MAGI2: variants seen among roughly 807,000 people sequenced by gnomAD.
MAGI2 encodes membrane associated guanylate kinase, WW and PDZ domain containing 2.
Under a neutral mutation model 133.3 loss-of-function variants are expected in MAGI2, and 35 were observed. That is an observed-to-expected ratio of 0.26 (90% CI 0.20 to 0.35). The LOEUF (loss-of-function observed/expected upper bound fraction) is 0.35, where lower values mean the gene tolerates loss of function less well. Among genes scored for constraint, MAGI2 ranks in the 10% least tolerant of loss-of-function variants. The pLI is 1.00. For synonymous variants in MAGI2, 729 were observed against 710.6 expected (o/e 1.03, Z -0.41); for missense variants, 1,636 against 1,863.4 (o/e 0.88, Z 2.25).
intron 1 of MAGI2, among the ~76,000 whole-genome samples, chr7:79,338,171 A>G (rs1297616557): frequency 6.6e-6 from 1 of 152,198 alleles, no homozygotes; most frequent in Non-Finnish European, 1.5e-5. Flanking sequence ...GTTTCATTTT[A>G]GAAGGCAGTG....
chr7:78,655,349 C>G (rs1812063464), intron 2 of MAGI2, among the ~76,000 whole-genome samples: 1 of 149,676 alleles, frequency 6.7e-6, no homozygotes, highest in African/African-American at 2.5e-5. Context: ...TCGGTAGAAG[C>G]TTCATCATTC....
chr7:78,936,071 T>C (rs1332640393), intron 2 of MAGI2, among the ~76,000 whole-genome samples: 7 of 152,046 alleles, frequency 4.6e-5, no homozygotes, highest in African/African-American at 1.7e-4. Context: ...CTATTAAATA[T>C]CAAATATGTA....
chr7:78,589,102 T>C (rs1227769279), intron 3 of MAGI2, among the ~76,000 whole-genome samples: 2 of 152,302 alleles, frequency 1.3e-5, no homozygotes, highest in East Asian at 3.9e-4. Flanking sequence ...TCCTAGCCTA[T>C]CACAGAGCTG....
chr7:78,717,209 G>A (rs972837658), intron 2 of MAGI2, among the ~76,000 whole-genome samples: 1 of 151,958 alleles, frequency 6.6e-6, no homozygotes, highest in African/African-American at 2.4e-5. Context: ...TGTTACCGTC[G>A]AGCCGCCCTC....
chr7:78,473,986 G>A (rs1490498943), intron 6 of MAGI2, among the ~76,000 whole-genome samples: 1 of 151,924 alleles, frequency 6.6e-6, no homozygotes, highest in Admixed American at 6.6e-5. Flanking sequence ...TTGGGTTTTC[G>A]TTACCATCTG....
At chr7:78,891,882 A>G (rs977616466) in intron 2 of MAGI2, among the ~76,000 whole-genome samples, 2 of 152,198 alleles carry the variant, frequency 1.3e-5, no homozygotes, top group Non-Finnish European at 2.9e-5. Flanking sequence ...TGGCCAGGGC[A>G]ATCAGGCAGG....
chr7:78,257,144 C>G (rs1303914402), intron 9 of MAGI2, among the ~76,000 whole-genome samples: 1 of 151,894 alleles, frequency 6.6e-6, no homozygotes, highest in Non-Finnish European at 1.5e-5. Flanking sequence ...GTCAAGGGTG[C>G]AGGTTTTGGG....
intron 2 of MAGI2, among the ~76,000 whole-genome samples, chr7:78,759,540 G>A (rs946242904): frequency 1.3e-5 from 2 of 152,028 alleles, no homozygotes; most frequent in African/African-American, 4.8e-5. Flanking sequence ...CTCTAGATGT[G>A]AATGTTAAAA....
At chr7:78,823,894 C>T (rs1230099135) in intron 2 of MAGI2, among the ~76,000 whole-genome samples, 1 of 149,100 alleles carries the variant, frequency 6.7e-6, no homozygotes, top group Admixed American at 6.7e-5. Flanking sequence ...TCATTATCTT[C>T]TCTTGGATTT....
chr7:79,425,851 G>A (rs1222211095), intron 1 of MAGI2, among the ~76,000 whole-genome samples: 3 of 152,016 alleles, frequency 2.0e-5, no homozygotes, highest in Admixed American at 2.0e-4. Flanking sequence ...ATGACTATTT[G>A]CCTCTCTGCA....
At chr7:78,394,193 C>T (rs1796140849) in intron 6 of MAGI2, among the ~76,000 whole-genome samples, 1 of 152,168 alleles carries the variant, frequency 6.6e-6, no homozygotes, top group Admixed American at 6.5e-5. Flanking sequence ...CCCAGAAATA[C>T]TGTTTCAGCA....
At chr7:78,322,305 T>A (rs1355191660) in intron 9 of MAGI2, among the ~76,000 whole-genome samples, 1 of 152,040 alleles carries the variant, frequency 6.6e-6, no homozygotes, top group Non-Finnish European at 1.5e-5. Flanking sequence ...AAAGACACAT[T>A]CACCCATATG....
intron 2 of MAGI2, among the ~76,000 whole-genome samples, chr7:78,672,474 G>C (rs1814512527): frequency 6.6e-6 from 1 of 152,096 alleles, no homozygotes; most frequent in South Asian, 2.1e-4. Context: ...ATACAAAATG[G>C]ACAACACAGA....
chr7:79,124,611 G>C (rs1013675703), intron 1 of MAGI2: 2 of 152,486 alleles, frequency 1.3e-5, no homozygotes, highest in African/African-American at 4.8e-5. Context: ...AGTGGCTACT[G>C]TCCCAGATAT....
intron 2 of MAGI2, among the ~76,000 whole-genome samples, chr7:78,656,621 G>T (rs757637020): frequency 1.3e-5 from 2 of 152,088 alleles, no homozygotes; most frequent in Non-Finnish European, 2.9e-5. Flanking sequence ...TACAGCATGA[G>T]AACTAATTTG....
chr7:78,161,408 G>C (rs1051362177), intron 15 of MAGI2, among the ~76,000 whole-genome samples: 1 of 152,050 alleles, frequency 6.6e-6, no homozygotes, highest in Non-Finnish European at 1.5e-5. Flanking sequence ...CTTAAAATTT[G>C]ATTAGTGTAC....
intron 3 of MAGI2, among the ~76,000 whole-genome samples, chr7:78,538,761 CTAGG>C (rs1245767598): frequency 6.6e-6 from 1 of 152,062 alleles, no homozygotes; most frequent in Non-Finnish European, 1.5e-5. Flanking sequence ...TTAGGGTTTT[CTAGG>C]TATTCAATCA....
At chr7:78,356,258 G>C (rs907771959) in intron 7 of MAGI2, among the ~76,000 whole-genome samples, 1 of 152,140 alleles carries the variant, frequency 6.6e-6, no homozygotes, top group African/African-American at 2.4e-5. Context: ...ACAAAACTAT[G>C]TATGTCTCGT....
At chr7:78,437,738 TG>T (rs1264236805) in intron 6 of MAGI2, among the ~76,000 whole-genome samples, 1 of 152,182 alleles carries the variant, frequency 6.6e-6, no homozygotes, top group Non-Finnish European at 1.5e-5. Flanking sequence ...TCTTAGCATT[TG>T]TTTTACATTC....
Sources: allele counts gnomAD v4.1 joint callset (sites outside exome capture counted in the v4.1 genomes callset), GRCh38; gene constraint gnomAD v4.1.1; transcripts MANE v1.5; gene names NCBI Gene and HGNC (gene_info 2026-07-23, HGNC 2026-07-21).